The following PCDH15 variants were observed in gnomAD, a reference collection of about 807,000 sequenced individuals.
PCDH15 encodes protocadherin related 15.
A neutral mutation model predicts 178.5 loss-of-function variants in PCDH15; 129 were observed. That is an observed-to-expected ratio of 0.72 (90% CI 0.63 to 0.84). The LOEUF (loss-of-function observed/expected upper bound fraction) is 0.84, where lower values mean the gene tolerates loss of function less well. Among genes scored for constraint, PCDH15 ranks in the 40% least tolerant of loss-of-function variants. The pLI is 0.00. For missense variants in PCDH15, 2,230 were observed against 2,099.9 expected, an observed-to-expected ratio of 1.06 and a Z score of -1.21; for synonymous variants, 800 against 732.0, an observed-to-expected ratio of 1.09 and a Z score of -1.50.
At chr10:54,668,797 C>T (rs776836044) in intron 1 of PCDH15, among the ~76,000 whole-genome samples, 25 of 152,080 alleles carry the variant, frequency 1.6e-4, no homozygotes, top group Non-Finnish European at 3.1e-4. Context: ...TGGAACACAC[C>T]GTCATTACTT....
rs200551322 is a variant in PCDH15 at position 54,204,485 on chromosome 10, C to CT, written c.1099-8597dup. ...GAGGCGTATGGGATGTTTGTAGCATCTTTTTTTAACAAAAATCTGGTTGTT... is the reference window on the plus strand; with the variant it reads ...GAGGCGTATGGGATGTTTGTAGCATCTTTTTTTTAACAAAAATCTGGTTGTT... On this transcript the variant is annotated intron_variant, in intron 10 of 37. Transcript: ENST00000644397. Among the ~76,000 whole-genome samples, 952 of 152,024 alleles carry CT rather than the reference C, an allele frequency of 6.3e-3. 9 individuals carry two copies. Among genetic ancestry groups the CT allele is most frequent in the African/African-American group, 0.019 (778 of 41,482 alleles).
At chr10:54,543,865 C>T (rs1350990549) in intron 2 of PCDH15, among the ~76,000 whole-genome samples, 1 of 152,100 alleles carries the variant, frequency 6.6e-6, no homozygotes, top group African/African-American at 2.4e-5. Flanking sequence ...TTGCCAGCTC[C>T]CCAGAAACTT....
intron 2 of PCDH15, among the ~76,000 whole-genome samples, chr10:55,059,681 A>T (rs553921797): frequency 6.6e-6 from 1 of 152,236 alleles, no homozygotes; most frequent in Non-Finnish European, 1.5e-5. Context: ...TATAATTCTG[A>T]TATTTTCTGA....
chr10:54,185,583 A>G (rs1384610215), intron 11 of PCDH15, among the ~76,000 whole-genome samples: 2 of 152,084 alleles, frequency 1.3e-5, no homozygotes, highest in Non-Finnish European at 2.9e-5. Context: ...ATTATTTGTT[A>G]TCAATATTTT....
chr10:54,652,551 C>T (rs2094286247), intron 2 of PCDH15, among the ~76,000 whole-genome samples: 1 of 152,108 alleles, frequency 6.6e-6, no homozygotes, highest in Admixed American at 6.5e-5. Flanking sequence ...CCCCTAGTAA[C>T]TCAGAATGTA....
intron 2 of PCDH15, among the ~76,000 whole-genome samples, chr10:55,049,319 A>G (rs1441896399): frequency 6.6e-6 from 1 of 151,922 alleles, no homozygotes; most frequent in Non-Finnish European, 1.5e-5. Context: ...GCATGCAACG[A>G]ACACTTCAGT....
At chr10:54,565,826 T>C (rs58453202) in intron 2 of PCDH15, among the ~76,000 whole-genome samples, 1,971 of 152,340 alleles carry the variant, frequency 0.013, 50 homozygotes, top group African/African-American at 0.045. Flanking sequence ...GGCTCATGCC[T>C]GTAATCCCAG....
intron 1 of PCDH15, among the ~76,000 whole-genome samples, chr10:54,667,499 C>T (rs1374766688): frequency 6.6e-6 from 1 of 152,036 alleles, no homozygotes; most frequent in Non-Finnish European, 1.5e-5. Context: ...AGATCAAATG[C>T]TTTAGACAAA....
At chr10:53,863,155 A>G (rs1368975602) in intron 27 of PCDH15, among the ~76,000 whole-genome samples, 1 of 152,194 alleles carries the variant, frequency 6.6e-6, no homozygotes. Context: ...TCTTTAGTGT[A>G]AAGATGTAAG....
chr10:55,581,358 C>A (rs1027055815), intron 2 of PCDH15, among the ~76,000 whole-genome samples: 5 of 151,492 alleles, frequency 3.3e-5, no homozygotes, highest in Non-Finnish European at 7.4e-5. Flanking sequence ...AACTGGATAT[C>A]TATTTAGATT....
At chr10:54,539,894 TG>T (rs1476978068) in intron 2 of PCDH15, among the ~76,000 whole-genome samples, 1 of 152,178 alleles carries the variant, frequency 6.6e-6, no homozygotes, top group African/African-American at 2.4e-5. Context: ...TAAGCAACTT[TG>T]CTCCTGAATG....
At chr10:54,532,630 A>C (rs996336761) in intron 2 of PCDH15, among the ~76,000 whole-genome samples, 11 of 152,206 alleles carry the variant, frequency 7.2e-5, no homozygotes, top group African/African-American at 2.7e-4. Context: ...ATTTGTAACA[A>C]TAAAATTAAA....
At chr10:54,133,047 G>A in intron 14 of PCDH15, 40 bp from the exon 15 acceptor site, 1 of 1,613,176 alleles carries the variant, frequency 6.2e-7, no homozygotes. Context: ...TTACGAATCT[G>A]CATCACATTT....
chr10:55,588,227 C>G (rs1342272358), intron 2 of PCDH15, among the ~76,000 whole-genome samples: 1 of 152,222 alleles, frequency 6.6e-6, no homozygotes, highest in South Asian at 2.1e-4. Flanking sequence ...ATGGCAAAGA[C>G]AGCAATAAGG....
At chr10:54,779,994 G>A (rs912658798) in intron 1 of PCDH15, among the ~76,000 whole-genome samples, 1 of 152,044 alleles carries the variant, frequency 6.6e-6, no homozygotes, top group Non-Finnish European at 1.5e-5. Context: ...AGAAATATTT[G>A]CACTTATTCT....
chr10:55,409,305 A>C (rs1838277935), intron 2 of PCDH15, among the ~76,000 whole-genome samples: 1 of 151,608 alleles, frequency 6.6e-6, no homozygotes, highest in South Asian at 2.1e-4. Context: ...TCTGATGACT[A>C]CTCCATTCTT....
At chr10:54,130,023 T>G (rs2042296530) in intron 15 of PCDH15, among the ~76,000 whole-genome samples, 1 of 152,136 alleles carries the variant, frequency 6.6e-6, no homozygotes, top group South Asian at 2.1e-4. Flanking sequence ...GAAACAACGC[T>G]TTTGTGAAGA....
intron 3 of PCDH15, among the ~76,000 whole-genome samples, chr10:54,853,733 T>C (rs73256028): frequency 0.11 from 16,168 of 152,112 alleles, 1,034 homozygotes; most frequent in African/African-American, 0.18. Flanking sequence ...TTAATGGGTA[T>C]GATGTGTAAT....
intron 2 of PCDH15, among the ~76,000 whole-genome samples, chr10:55,071,659 C>G (rs1019176731): frequency 6.6e-6 from 1 of 152,122 alleles, no homozygotes; most frequent in African/African-American, 2.4e-5. Context: ...GAGACTTTAA[C>G]ACCCCACTGT....
Sources: allele counts gnomAD v4.1 joint callset (sites outside exome capture counted in the v4.1 genomes callset), GRCh38; gene constraint gnomAD v4.1.1; transcripts MANE v1.5; gene names NCBI Gene and HGNC (gene_info 2026-07-23, HGNC 2026-07-21).